KDM4C: variants seen among roughly 807,000 people sequenced by gnomAD.
KDM4C encodes the protein lysine-specific demethylase 4C.
Under a neutral mutation model 129.3 loss-of-function variants are expected in KDM4C, and 81 were observed. The ratio of observed to expected loss-of-function variants is 0.63; its 90% CI spans 0.52 to 0.75. The LOEUF (loss-of-function observed/expected upper bound fraction) is 0.75. KDM4C is among the 30% of genes least tolerant of loss of function. KDM4C has a pLI of 0.00. For missense variants in KDM4C, 1,457 were observed against 1,304.0 expected, an observed-to-expected ratio of 1.12 and a Z score of -1.81; for synonymous variants, 573 against 456.1, an observed-to-expected ratio of 1.26 and a Z score of -3.26.
intron 4 of KDM4C, among the ~76,000 whole-genome samples, chr9:6,840,063 G>C (rs1836625203): frequency 6.6e-6 from 1 of 151,658 alleles, no homozygotes; most frequent in Non-Finnish European, 1.5e-5. Flanking sequence ...GAGACTAACT[G>C]TTCTGTTATA....
intron 8 of KDM4C, among the ~76,000 whole-genome samples, chr9:6,964,768 T>G (rs1241823709): frequency 2.6e-5 from 3 of 115,346 alleles, no homozygotes; most frequent in East Asian, 2.8e-4. Flanking sequence ...GGGGACAGAG[T>G]GAGACTCCGT....
chr9:6,830,549 G>C, intron 4 of KDM4C, among the ~76,000 whole-genome samples: 1 of 152,070 alleles, frequency 6.6e-6, no homozygotes, highest in East Asian at 1.9e-4. Context: ...ATGATAAAAT[G>C]GTTTTCTCTT....
intron 8 of KDM4C, among the ~76,000 whole-genome samples, chr9:6,953,217 T>G (rs1204127604): frequency 6.6e-6 from 1 of 152,224 alleles, no homozygotes; most frequent in Admixed American, 6.5e-5. Flanking sequence ...TCCCTTTCAC[T>G]CAAACAAGAC....
chr9:6,773,094 G>GA (rs1822234667), intron 1 of KDM4C, among the ~76,000 whole-genome samples: 1 of 151,886 alleles, frequency 6.6e-6, no homozygotes, highest in Non-Finnish European at 1.5e-5. Context: ...CGACCTCCCA[G>GA]ACTCAAGTGA....
chr9:7,032,945 T>G (rs1827026545), intron 15 of KDM4C, among the ~76,000 whole-genome samples: 1 of 152,208 alleles, frequency 6.6e-6, no homozygotes, highest in Non-Finnish European at 1.5e-5. Flanking sequence ...CTCTAGGTTC[T>G]GCCTAGAGGA....
At chr9:6,792,905 T>C (rs754054174) in intron 1 of KDM4C, 67 bp from the exon 2 acceptor site, 3 of 1,497,480 alleles carry the variant, frequency 2.0e-6, no homozygotes, top group Non-Finnish European at 2.8e-6. Context: ...GCTGACATAC[T>C]ATTTGTTAAA....
intron 19 of KDM4C, among the ~76,000 whole-genome samples, chr9:7,163,148 T>C (rs140795178): frequency 2.1e-4 from 32 of 152,252 alleles, no homozygotes; most frequent in African/African-American, 6.7e-4. Context: ...GGAGCTGAGC[T>C]AGAGGTCACC....
At chr9:6,774,846 T>G (rs12345872) in intron 1 of KDM4C, among the ~76,000 whole-genome samples, 32,880 of 152,056 alleles carry the variant, frequency 0.22, 3,980 homozygotes, top group African/African-American at 0.31. Context: ...CCATCTTCTC[T>G]CCTTGGCAAC....
At chr9:7,058,090 G>C (rs532401666) in intron 17 of KDM4C, among the ~76,000 whole-genome samples, 1 of 152,256 alleles carries the variant, frequency 6.6e-6, no homozygotes, top group African/African-American at 2.4e-5. Flanking sequence ...CCTTCTTGTA[G>C]AGGAAATGAA....
At chr9:6,867,961 T>C (rs546439134) in intron 5 of KDM4C, among the ~76,000 whole-genome samples, 1 of 152,362 alleles carries the variant, frequency 6.6e-6, no homozygotes, top group South Asian at 2.1e-4. Flanking sequence ...GAATGTTTTC[T>C]GTGATAGGTC....
At chr9:6,749,401 G>C (rs925411302) in intron 1 of KDM4C, among the ~76,000 whole-genome samples, 4 of 152,122 alleles carry the variant, frequency 2.6e-5, no homozygotes, top group South Asian at 2.1e-4. Context: ...CAACAAAATA[G>C]GACTACATGT....
intron 20 of KDM4C, 87 bp downstream of exon 20, chr9:7,165,444 A>T: frequency 1.4e-6 from 2 of 1,440,558 alleles, no homozygotes; most frequent in Non-Finnish European, 1.9e-6. Context: ...GCTGAACAAT[A>T]AGCCACATGA....
At chr9:6,879,324 C>G (rs1844083550) in intron 5 of KDM4C, among the ~76,000 whole-genome samples, 1 of 151,954 alleles carries the variant, frequency 6.6e-6, no homozygotes, top group Admixed American at 6.5e-5. Flanking sequence ...CTTAGCAAGT[C>G]CATAGTAAAA....
chr9:6,926,207 A>G lies in KDM4C; in HGVS notation c.921+32975A>G, dbSNP rs1007233403. Among the ~76,000 whole-genome samples the G allele has an allele frequency of 4.9e-5, 7 of 143,826 alleles. No individual in the cohort carries two copies. In the Admixed American group the frequency reaches 4.9e-4, roughly 10 times the overall value. 94.4% of individuals were successfully genotyped at this position (143,826 alleles called of 152,430 possible). A position where few individuals can be genotyped will look rare whatever the true frequency, so the allele number is the denominator to read the frequency against. On this transcript the variant is annotated intron_variant, in intron 8 of 21. Coordinates refer to ENST00000381309, the MANE Select transcript of KDM4C (RefSeq NM_015061.6). Reference sequence around the variant, plus strand: ...TAGGCATTCCTTCTTCCAGGAAAACATTTCCTGAGGCTGTAGGACTCAACT... The same window carrying G: ...TAGGCATTCCTTCTTCCAGGAAAACGTTTCCTGAGGCTGTAGGACTCAACT...
At chr9:6,856,111 GTACTCAGTAAACATT>G (rs1839765919) in intron 5 of KDM4C, among the ~76,000 whole-genome samples, 1 of 151,766 alleles carries the variant, frequency 6.6e-6, no homozygotes, top group South Asian at 2.1e-4. Context: ...CACTTGGTAG[GTACTCAGTAAACATT>G]TGCTCAGTGA....
At chr9:6,725,090 A>T (rs1563910199) in intron 1 of KDM4C, among the ~76,000 whole-genome samples, 1 of 151,894 alleles carries the variant, frequency 6.6e-6, no homozygotes, top group Non-Finnish European at 1.5e-5. Context: ...TCATCATCAC[A>T]TCTCCTACTT....
At chr9:6,798,434 G>A (rs1433648476) in intron 2 of KDM4C, among the ~76,000 whole-genome samples, 12 of 151,962 alleles carry the variant, frequency 7.9e-5, no homozygotes, top group Non-Finnish European at 1.3e-4. Flanking sequence ...ATGGAGTGGT[G>A]ATGACTCTTA....
At chr9:6,792,056 A>G (rs1185930319) in intron 1 of KDM4C, among the ~76,000 whole-genome samples, 2 of 151,524 alleles carry the variant, frequency 1.3e-5, no homozygotes. Context: ...ATTTATTTTT[A>G]CGTCTGGGCT....
chr9:6,970,064 A>G (rs1279136718), intron 8 of KDM4C, among the ~76,000 whole-genome samples: 1 of 152,210 alleles, frequency 6.6e-6, no homozygotes, highest in Non-Finnish European at 1.5e-5. Flanking sequence ...TGGCCAGTCT[A>G]GCTTCCCTAA....
Sources: allele counts gnomAD v4.1 joint callset (sites outside exome capture counted in the v4.1 genomes callset), GRCh38; gene constraint gnomAD v4.1.1; transcripts MANE v1.5; gene names NCBI Gene and HGNC (gene_info 2026-07-23, HGNC 2026-07-21).